LRRC20: variants seen among roughly 807,000 people sequenced by gnomAD.
LRRC20 encodes leucine-rich repeat-containing protein 20.
LRRC20 carries 11 observed loss-of-function variants against 14.4 expected under a neutral mutation model. That is an observed-to-expected ratio of 0.77 (90% confidence interval 0.48 to 1.27). The LOEUF (loss-of-function observed/expected upper bound fraction) is 1.27, where lower values mean the gene tolerates loss of function less well. LRRC20 is among the 50% of genes most tolerant of loss of function. LRRC20 has a pLI of 0.00. For synonymous variants in LRRC20, 121 were observed against 107.3 expected, an observed-to-expected ratio of 1.13 and a Z score of -0.79; for missense variants, 219 against 251.2, an observed-to-expected ratio of 0.87 and a Z score of 0.87.
At chr10:70,312,406 A>T (rs1841701835) in intron 4 of LRRC20, among the ~76,000 whole-genome samples, 1 of 151,870 alleles carries the variant, frequency 6.6e-6, no homozygotes, top group Non-Finnish European at 1.5e-5. Context: ...ACTCCACCAC[A>T]CCCTTCTGGG....
chr10:70,364,298 C>A (rs1843878871), intron 2 of LRRC20, among the ~76,000 whole-genome samples: 1 of 152,222 alleles, frequency 6.6e-6, no homozygotes, highest in African/African-American at 2.4e-5. Flanking sequence ...CCACTCCAGT[C>A]CCTGGCAGCC....
intron 3 of LRRC20, among the ~76,000 whole-genome samples, chr10:70,336,285 A>T (rs920442906): frequency 1.3e-5 from 2 of 152,172 alleles, no homozygotes; most frequent in Non-Finnish European, 2.9e-5. Flanking sequence ...TGAGAGACTG[A>T]ATATACAAAC....
At chr10:70,341,093 A>G (rs1352512791) in intron 2 of LRRC20, among the ~76,000 whole-genome samples, 1 of 152,214 alleles carries the variant, frequency 6.6e-6, no homozygotes, top group East Asian at 1.9e-4. Flanking sequence ...AGACTGCTTT[A>G]CAATAGTCTA....
chr10:70,372,511 A>T (rs10733863), intron 2 of LRRC20, among the ~76,000 whole-genome samples: 3 of 148,388 alleles, frequency 2.0e-5, no homozygotes, highest in Non-Finnish European at 4.5e-5. Context: ...GCGCAATCTC[A>T]GCTCACTGCA....
chr10:70,358,090 C>G (rs1014229348), intron 2 of LRRC20, among the ~76,000 whole-genome samples: 14 of 152,242 alleles, frequency 9.2e-5, no homozygotes, highest in African/African-American at 2.4e-4. Flanking sequence ...TTCTTGAGAA[C>G]ATCGCCCTAC....
chr10:70,305,829 C>T (rs908468092), intron 4 of LRRC20, among the ~76,000 whole-genome samples: 1 of 151,898 alleles, frequency 6.6e-6, no homozygotes, highest in Non-Finnish European at 1.5e-5. Context: ...CAAGCTCCGC[C>T]TCCCGGGTTC....
At chr10:70,305,827 G>A (rs10999259) in intron 4 of LRRC20, among the ~76,000 whole-genome samples, 5,407 of 149,714 alleles carry the variant, frequency 0.036, 150 homozygotes, top group East Asian at 0.092. Context: ...TGCAAGCTCC[G>A]CCTCCCGGGT....
chr10:70,347,660 A>C (rs541144317), intron 2 of LRRC20, among the ~76,000 whole-genome samples: 4 of 152,160 alleles, frequency 2.6e-5, no homozygotes, highest in African/African-American at 9.6e-5. Flanking sequence ...TCTTTACTAA[A>C]AATACAAAAA....
chr10:70,352,149 G>A (rs925441651), intron 2 of LRRC20, among the ~76,000 whole-genome samples: 7 of 152,014 alleles, frequency 4.6e-5, no homozygotes, highest in Admixed American at 1.3e-4. Context: ...CTCAAGGTAG[G>A]AGCTGTGTCT....
At chr10:70,321,706 G>T (rs946188501) in intron 4 of LRRC20, among the ~76,000 whole-genome samples, 1 of 152,178 alleles carries the variant, frequency 6.6e-6, no homozygotes, top group Non-Finnish European at 1.5e-5. Context: ...GGCAGCAGGG[G>T]CTCTGTCCCA....
chr10:70,337,042 A>G (rs1233731661), intron 3 of LRRC20, among the ~76,000 whole-genome samples: 2 of 152,174 alleles, frequency 1.3e-5, no homozygotes, highest in African/African-American at 2.4e-5. Flanking sequence ...CATCAAGGGG[A>G]TGGAATCACC....
intron 3 of LRRC20, among the ~76,000 whole-genome samples, chr10:70,329,383 T>C (rs1842447980): frequency 6.6e-6 from 1 of 152,184 alleles, no homozygotes; most frequent in Non-Finnish European, 1.5e-5. Flanking sequence ...CATCCTTGCC[T>C]TGTTCCCAGC....
chr10:70,331,588 T>C (rs1364135608), intron 3 of LRRC20, among the ~76,000 whole-genome samples: 5 of 152,168 alleles, frequency 3.3e-5, no homozygotes, highest in Non-Finnish European at 7.4e-5. Context: ...CCCAAGGTCT[T>C]ACTGCCCCCT....
At chr10:70,326,297 TACACACACACAC>T (rs3998644) in intron 3 of LRRC20, among the ~76,000 whole-genome samples, 10 of 140,382 alleles carry the variant, frequency 7.1e-5, no homozygotes, top group African/African-American at 1.6e-4. Context: ...CGCCTCTGTG[TACACACACACAC>T]ACACACACAC....
intron 3 of LRRC20, among the ~76,000 whole-genome samples, chr10:70,333,854 G>A (rs1236334685): frequency 6.6e-6 from 1 of 152,234 alleles, no homozygotes; most frequent in Non-Finnish European, 1.5e-5. Context: ...GAAAGAACCA[G>A]AAAATGTGTT....
chr10:70,303,711 C>T (rs1841299209), intron 4 of LRRC20, among the ~76,000 whole-genome samples: 1 of 152,178 alleles, frequency 6.6e-6, no homozygotes, highest in South Asian at 2.1e-4. Context: ...CGCAGCACAG[C>T]CTAGTGTCAT....
chr10:70,336,476 A>G (rs374946783), intron 3 of LRRC20, among the ~76,000 whole-genome samples: 1 of 152,196 alleles, frequency 6.6e-6, no homozygotes, highest in East Asian at 1.9e-4. Context: ...AACAATCCCT[A>G]TAACAACTGG....
chr10:70,308,978 C>T (rs1405451822), intron 4 of LRRC20, among the ~76,000 whole-genome samples: 1 of 152,166 alleles, frequency 6.6e-6, no homozygotes, highest in Non-Finnish European at 1.5e-5. Context: ...TCTTGAGTCT[C>T]TTCTTTCAAG....
chr10:70,339,543 T>C (rs1042098832), intron 3 of LRRC20, among the ~76,000 whole-genome samples: 1 of 151,968 alleles, frequency 6.6e-6, no homozygotes, highest in African/African-American at 2.4e-5. Flanking sequence ...CCCCTAGGCT[T>C]CCTGTGCCCT....
Sources: gnomAD v4.1 joint callset for allele counts (sites outside exome capture counted in the v4.1 genomes callset) on GRCh38, gnomAD v4.1.1 for gene constraint, MANE v1.5 for transcripts, NCBI Gene and HGNC (gene_info 2026-07-23, HGNC 2026-07-21) for gene names.